Variants in CTCFL observed in about 807,000 individuals in gnomAD.
CTCFL encodes the protein CCCTC-binding factor like.
CTCFL carries 36 observed loss-of-function variants against 67.4 expected under a neutral mutation model. That is an observed-to-expected ratio of 0.53 (90% CI 0.41 to 0.71). CTCFL has a LOEUF of 0.71. CTCFL is among the 30% of genes least tolerant of loss of function. CTCFL has a pLI of 0.00. For missense variants in CTCFL, 786 were observed against 835.2 expected (o/e 0.94, Z 0.73); for synonymous variants, 324 against 302.3 (o/e 1.07, Z -0.75).
At chr20:57,513,301 G>A (rs544062657) in intron 7 of CTCFL, 1 of 985,780 alleles carries the variant, frequency 1.0e-6, no homozygotes, top group Non-Finnish European at 1.2e-6. Context: ...ATTAACCTGA[G>A]ACACATGGTA....
At chr20:57,496,255 A>G (rs2067723565), downstream of CTCFL, 1 of 675,166 alleles carries the variant, frequency 1.5e-6, no homozygotes, top group South Asian at 1.6e-5. Flanking sequence ...TGCTTTCACC[A>G]TGTGACGCGC....
At chr20:57,504,143 A>AT (rs1365971902) in intron 9 of CTCFL, among the ~76,000 whole-genome samples, 4 of 151,530 alleles carry the variant, frequency 2.6e-5, no homozygotes, top group Non-Finnish European at 4.4e-5. Flanking sequence ...CGCCCGGCTG[A>AT]TTTTTTATAT....
At chr20:57,499,950 G>T in intron 10 of CTCFL, 2 of 985,758 alleles carry the variant, frequency 2.0e-6, no homozygotes, top group Non-Finnish European at 2.4e-6. Context: ...GTCCACGGCT[G>T]GGGGGTTGGG....
chr20:57,524,861 T>C, intron 1 of CTCFL, 167 bp downstream of exon 1: 1 of 652,502 alleles, frequency 1.5e-6, no homozygotes, highest in Non-Finnish European at 1.9e-6. Flanking sequence ...GGCCCCTGCT[T>C]TACCCTGCCC....
chr20:57,509,626 G>A (rs1002427376), intron 8 of CTCFL, among the ~76,000 whole-genome samples: 1 of 152,160 alleles, frequency 6.6e-6, no homozygotes, highest in Admixed American at 6.5e-5. Flanking sequence ...AAATATGTAT[G>A]AAGTCAAGCA....
chr20:57,525,245 A>G, upstream of CTCFL: 2 of 88,668 alleles, frequency 2.3e-5, no homozygotes, highest in African/African-American at 4.4e-5. Context: ...GGCAGGGGGG[A>G]AGGGGAGTAG....
At chr20:57,520,589 G>A (rs80048781) in intron 3 of CTCFL, among the ~76,000 whole-genome samples, 6,547 of 152,218 alleles carry the variant, frequency 0.043, 213 homozygotes, top group African/African-American at 0.085. Flanking sequence ...AACTTATTCC[G>A]GTTCCATTCT....
intron 10 of CTCFL, chr20:57,500,280 C>A: frequency 1.2e-6 from 1 of 818,904 alleles, no homozygotes; most frequent in South Asian, 1.6e-5. Flanking sequence ...GGTAAAACCC[C>A]ATCTCTACTA....
chr20:57,524,772 C>G, intron 1 of CTCFL: 5 of 987,142 alleles, frequency 5.1e-6, no homozygotes, highest in Non-Finnish European at 6.0e-6. Context: ...AGGCTTTGGG[C>G]CTAGTGGCCT....
chr20:57,523,013 A>G, intron 3 of CTCFL, 55 bp downstream of exon 3: 1 of 1,405,074 alleles, frequency 7.1e-7, no homozygotes. Flanking sequence ...CTGCCCATAA[A>G]GAAAAACAGC....
At chr20:57,496,597 T>A (rs2182970), downstream of CTCFL, among the ~76,000 whole-genome samples, 8 of 151,882 alleles carry the variant, frequency 5.3e-5, no homozygotes, top group East Asian at 7.8e-4. Context: ...ACACTAACTC[T>A]CCATTCTCCC....
intron 5 of CTCFL, among the ~76,000 whole-genome samples, chr20:57,517,784 G>C (rs960652284): frequency 1.3e-5 from 2 of 152,080 alleles, no homozygotes; most frequent in Non-Finnish European, 2.9e-5. Flanking sequence ...ACTGGCACTG[G>C]GGGAGGGTCT....
intron 5 of CTCFL, among the ~76,000 whole-genome samples, chr20:57,517,689 C>A (rs1483100734): frequency 6.6e-6 from 1 of 152,148 alleles, no homozygotes; most frequent in Non-Finnish European, 1.5e-5. Context: ...CATGGCAAGA[C>A]TTGAGGAGAC....
chr20:57,496,485 T>A, downstream of CTCFL: 1 of 444,898 alleles, frequency 2.2e-6, no homozygotes, highest in Non-Finnish European at 4.0e-6. Flanking sequence ...TTTAAATGTA[T>A]GGTTCAGTGG....
At position 57,504,352 on chromosome 20, in the gene CTCFL, T is replaced by G. The variant is rs145148800; in HGVS notation, c.1675-751A>C. Among the ~76,000 whole-genome samples, 505 of 150,736 alleles carry G rather than the reference T, an allele frequency of 3.4e-3. 7 individuals are homozygous for G. Among genetic ancestry groups the G allele is most frequent in the African/African-American group, 0.012 (477 of 41,124 alleles). On this transcript the variant is annotated intron_variant, in intron 9 of 10. Coordinates refer to ENST00000243914, the MANE Select transcript of CTCFL (RefSeq NM_001386993.1). Reference sequence around the variant, plus strand: ...TGGAGTGCAGTGGCATGGTGTCAGCTCACTGCAACCTCTACTTCCCAGGTT... The same window carrying G: ...TGGAGTGCAGTGGCATGGTGTCAGCGCACTGCAACCTCTACTTCCCAGGTT...
chr20:57,497,728 T>C lies in CTCFL; in HGVS notation c.*822A>G, dbSNP rs2067745390. 1.0e-6 allele frequency: 1 copy of C among 985,016 alleles called. No homozygotes were observed. Among genetic ancestry groups the C allele is most frequent in the African/African-American group, 1.7e-5 (1 of 57,250 alleles). The allele number at this position is 985,016 out of a possible 1,614,324, so 61.0% of individuals were successfully genotyped here. ...TTTCTTCTCACTCTGCCAATTATTTTACAAATATAAAAAGAGTAGTTTTAG... is the reference window on the plus strand; with the variant it reads ...TTTCTTCTCACTCTGCCAATTATTTCACAAATATAAAAAGAGTAGTTTTAG... On this transcript the variant is annotated 3_prime_UTR_variant, in exon 11 of 11. Coordinates refer to ENST00000243914, the MANE Select transcript of CTCFL (RefSeq NM_001386993.1).
intron 1 of CTCFL, 130 bp from the exon 2 acceptor site, chr20:57,524,346 TTAG>T: frequency 1.8e-5 from 27 of 1,487,916 alleles, no homozygotes; most frequent in Non-Finnish European, 2.4e-5. Flanking sequence ...GGTTTTGGAC[TTAG>T]TAGGGTCAGA....
At chr20:57,509,312 G>A (rs1600652939) in intron 8 of CTCFL, among the ~76,000 whole-genome samples, 1 of 147,070 alleles carries the variant, frequency 6.8e-6, no homozygotes, top group African/African-American at 2.5e-5. Flanking sequence ...TTGAGACAGG[G>A]TCTCGCTCTG....
intron 5 of CTCFL, 166 bp downstream of exon 5, chr20:57,518,592 T>A (rs2069099830): frequency 6.7e-7 from 1 of 1,492,958 alleles, no homozygotes; most frequent in Admixed American, 2.1e-5. Flanking sequence ...TCCAATTTTC[T>A]ATTTTAACTT....
Sources: gnomAD v4.1 joint callset for allele counts (sites outside exome capture counted in the v4.1 genomes callset) on GRCh38, gnomAD v4.1.1 for gene constraint, MANE v1.5 for transcripts, NCBI Gene and HGNC (gene_info 2026-07-23, HGNC 2026-07-21) for gene names.